The following ANKRD44 variants were observed in gnomAD, a reference collection of about 807,000 sequenced individuals.
ANKRD44 encodes ankyrin repeat domain 44, also known as serine/threonine-protein phosphatase 6 regulatory ankyrin repeat subunit B.
In ANKRD44, 35 loss-of-function variants were observed where a neutral mutation model predicts 116.0. That is an observed-to-expected ratio of 0.30 (90% CI 0.23 to 0.40). The LOEUF (loss-of-function observed/expected upper bound fraction) is 0.40, where lower values mean the gene tolerates loss of function less well. Among genes scored for constraint, ANKRD44 ranks in the 10% least tolerant of loss-of-function variants. ANKRD44 has a pLI of 1.00. For missense variants in ANKRD44, 1,014 were observed against 1,242.6 expected (o/e 0.82, Z 2.77); for synonymous variants, 435 against 461.8 (o/e 0.94, Z 0.74).
intron 18 of ANKRD44, 46 bp from the exon 19 acceptor site, chr2:197,009,077 A>G (rs775040238): frequency 1.3e-6 from 2 of 1,482,720 alleles, no homozygotes; most frequent in Non-Finnish European, 1.9e-6. Context: ...ACAACACTAC[A>G]CATATCTCTT....
chr2:197,240,287 A>T (rs1202481177), intron 1 of ANKRD44, among the ~76,000 whole-genome samples: 2 of 151,100 alleles, frequency 1.3e-5, no homozygotes, highest in Non-Finnish European at 2.9e-5. Flanking sequence ...AGGCACGAGA[A>T]TCACTTGAGC....
chr2:197,030,398 G>C (rs1000967298), intron 16 of ANKRD44, among the ~76,000 whole-genome samples: 1 of 152,212 alleles, frequency 6.6e-6, no homozygotes, highest in Non-Finnish European at 1.5e-5. Context: ...TAGAGGCCAT[G>C]AGTTTAGTGA....
intron 1 of ANKRD44, among the ~76,000 whole-genome samples, chr2:197,301,740 T>C (rs2083913243): frequency 6.6e-6 from 1 of 152,232 alleles, no homozygotes; most frequent in Non-Finnish European, 1.5e-5. Context: ...AAATATTTAT[T>C]GAGCATTTAC....
chr2:196,979,553 A>AATTTTTTTTT (rs1202023600), intron 21 of ANKRD44, among the ~76,000 whole-genome samples: 1 of 90,066 alleles, frequency 1.1e-5, no homozygotes, highest in Non-Finnish European at 2.1e-5. Context: ...TAATAAGATG[A>AATTTTTTTTT]CTTTTTTTTT....
At chr2:197,008,300 T>C (rs758499444) in intron 19 of ANKRD44, among the ~76,000 whole-genome samples, 3 of 152,194 alleles carry the variant, frequency 2.0e-5, no homozygotes, top group Non-Finnish European at 2.9e-5. Context: ...TAGTATTCTA[T>C]GTTGGACTTC....
chr2:197,049,774 T>C (rs981361067), intron 16 of ANKRD44, among the ~76,000 whole-genome samples: 1 of 152,134 alleles, frequency 6.6e-6, no homozygotes, highest in African/African-American at 2.4e-5. Flanking sequence ...TGAATCACCA[T>C]GCCCAGCTCT....
intron 21 of ANKRD44, among the ~76,000 whole-genome samples, chr2:196,976,920 G>T (rs1181795278): frequency 6.6e-6 from 1 of 151,446 alleles, no homozygotes; most frequent in African/African-American, 2.4e-5. Flanking sequence ...AGGGAGGGAG[G>T]GCTCTAAGGA....
At chr2:197,091,835 A>G (rs773161363) in intron 10 of ANKRD44, among the ~76,000 whole-genome samples, 5 of 152,200 alleles carry the variant, frequency 3.3e-5, no homozygotes, top group Non-Finnish European at 2.9e-5. Context: ...TACATTGCAC[A>G]TTAACCCACA....
At chr2:197,039,955 G>A (rs1387103642) in intron 16 of ANKRD44, among the ~76,000 whole-genome samples, 4 of 149,234 alleles carry the variant, frequency 2.7e-5, no homozygotes, top group Non-Finnish European at 4.5e-5. Flanking sequence ...CAGGCCAGGC[G>A]CAGTGGCTCA....
chr2:197,310,713 C>A lies in ANKRD44; in HGVS notation c.-109G>T. 8.5e-7 allele frequency: 1 copy of A among 1,182,186 alleles called. No individual in the cohort carries two copies. Among genetic ancestry groups the A allele is most frequent in the Non-Finnish European group, 1.1e-6 (1 of 918,772 alleles). 73.2% of individuals were successfully genotyped at this position (1,182,186 alleles called of 1,614,324 possible). ...CCAGGAGAAGGGAAAAAATCTGGCT[C>A]CCGAATTTGACAGCCCTCCCCCTGC... is the stretch of plus-strand genomic sequence containing the variant. On this transcript the variant is annotated 5_prime_UTR_variant, in exon 1 of 28. Coordinates refer to ENST00000282272, the MANE Select transcript of ANKRD44 (RefSeq NM_001195144.2).
At chr2:197,156,271 G>A (rs2697253) in intron 2 of ANKRD44, among the ~76,000 whole-genome samples, 137,922 of 151,984 alleles carry the variant, frequency 0.91, 63,878 homozygotes, top group Non-Finnish European at 0.99. Context: ...GAGTGAACCC[G>A]GGAGGCGGAG....
Position 197,125,924 on chromosome 2 carries a change from C to T in ANKRD44, c.375G>A (p.Val125=). The T allele has an allele frequency of 6.2e-7, 1 of 1,614,234 alleles. No individual in the cohort carries two copies. Among genetic ancestry groups the T allele is most frequent in the Non-Finnish European group, 8.5e-7 (1 of 1,180,044 alleles). The change falls in exon 5 of 28, where the codon GTG becomes GTA. Residue 125 remains valine (V), a synonymous_variant. Coordinates refer to ENST00000282272, the MANE Select transcript of ANKRD44 (RefSeq NM_001195144.2). ...TGACACTGCTCAGCAGGGGAATGAT[C>T]ACTTCTGCACATTTGACAGCCTTGT... ...AANKAVKCAE[V]IIPLLSSVNV...
intron 10 of ANKRD44, among the ~76,000 whole-genome samples, chr2:197,091,882 T>C (rs948136909): frequency 2.0e-5 from 3 of 152,182 alleles, no homozygotes; most frequent in Admixed American, 6.5e-5. Context: ...TTGGAGGTAA[T>C]AAACATTACT....
intron 1 of ANKRD44, among the ~76,000 whole-genome samples, chr2:197,257,376 T>G (rs947843862): frequency 1.3e-5 from 2 of 152,132 alleles, no homozygotes; most frequent in Admixed American, 1.3e-4. Flanking sequence ...ACAGAAGTTT[T>G]TTTTTTTTTT....
chr2:197,270,730 G>C (rs987226231), intron 1 of ANKRD44, among the ~76,000 whole-genome samples: 1 of 152,178 alleles, frequency 6.6e-6, no homozygotes, highest in Non-Finnish European at 1.5e-5. Flanking sequence ...TGTAGCACTG[G>C]AGCTGGGCAT....
At chr2:197,084,052 AT>A (rs1031928866) in intron 13 of ANKRD44, among the ~76,000 whole-genome samples, 15 of 152,036 alleles carry the variant, frequency 9.9e-5, no homozygotes, top group Middle Eastern at 3.2e-3. Flanking sequence ...TAAATGAAGA[AT>A]TTTTTTTAAG....
At chr2:197,115,501 C>A (rs900120834) in intron 8 of ANKRD44, among the ~76,000 whole-genome samples, 1 of 152,134 alleles carries the variant, frequency 6.6e-6, no homozygotes, top group African/African-American at 2.4e-5. Flanking sequence ...TCAATGTAAG[C>A]AAAATGAGGA....
chr2:197,000,396 G>C, intron 23 of ANKRD44, 23 bp downstream of exon 23: 1 of 1,590,500 alleles, frequency 6.3e-7, no homozygotes, highest in Non-Finnish European at 8.6e-7. Flanking sequence ...CAAGAAAAAA[G>C]CATGCTGTTT....
At chr2:197,229,183 T>C (rs1025269478) in intron 1 of ANKRD44, among the ~76,000 whole-genome samples, 7 of 152,272 alleles carry the variant, frequency 4.6e-5, no homozygotes, top group African/African-American at 1.4e-4. Flanking sequence ...AAACACTTGA[T>C]GTGAAGTTTC....
Sources: allele counts gnomAD v4.1 joint callset (sites outside exome capture counted in the v4.1 genomes callset), GRCh38; gene constraint gnomAD v4.1.1; transcripts MANE v1.5; gene names NCBI Gene and HGNC (gene_info 2026-07-23, HGNC 2026-07-21).